Variants in KIAA1549L observed in about 807,000 individuals in gnomAD.
The protein encoded by KIAA1549L is KIAA1549 like, also known as UPF0606 protein KIAA1549L.
Under a neutral mutation model 160.7 loss-of-function variants are expected in KIAA1549L, and 88 were observed. That is an observed-to-expected ratio of 0.55 (90% confidence interval 0.46 to 0.65). The LOEUF (loss-of-function observed/expected upper bound fraction) is 0.65, where lower values mean the gene tolerates loss of function less well. KIAA1549L is among the 30% of genes least tolerant of loss of function. The pLI, the probability that KIAA1549L is intolerant of heterozygous loss-of-function variation, is 0.00. For missense variants in KIAA1549L, 2,258 were observed against 2,437.5 expected (o/e 0.93, Z 1.55); for synonymous variants, 950 against 976.7 (o/e 0.97, Z 0.51).
At chr11:33,552,986 C>A (rs781469406) in intron 6 of KIAA1549L, among the ~76,000 whole-genome samples, 1 of 151,920 alleles carries the variant, frequency 6.6e-6, no homozygotes, top group South Asian at 2.1e-4. Context: ...AGGGAAAATC[C>A]CTGGGAAATG....
chr11:33,520,925 G>A (rs1226441781), intron 1 of KIAA1549L, among the ~76,000 whole-genome samples: 1 of 152,094 alleles, frequency 6.6e-6, no homozygotes, highest in Non-Finnish European at 1.5e-5. Flanking sequence ...CATTTTGGGA[G>A]GCTGAGGCAG....
chr11:33,501,884 A>G (rs1331763575), intron 1 of KIAA1549L, among the ~76,000 whole-genome samples: 1 of 152,120 alleles, frequency 6.6e-6, no homozygotes, highest in Non-Finnish European at 1.5e-5. Flanking sequence ...GGTCGTTGGT[A>G]AGTCAGTGGT....
chr11:33,397,668 C>T lies in KIAA1549L; in HGVS notation c.238+20779C>T, dbSNP rs1426542067. Among the ~76,000 whole-genome samples, 32 of 150,896 alleles carry T rather than the reference C, an allele frequency of 2.1e-4. 1 individual carries two copies. The East Asian group carries it at 4.0e-3, about 19-fold the overall frequency. ...CGGAGGTTGCGGTGAGCCAAGATCG[C>T]GCCACTGCACTCCAGCCTGGGCGAC... is the stretch of plus-strand genomic sequence containing the variant. On this transcript the variant is annotated intron_variant, in intron 1 of 20. Transcript: ENST00000658780.
intron 16 of KIAA1549L, among the ~76,000 whole-genome samples, chr11:33,641,574 A>G (rs897282296): frequency 0.23 from 131 of 580 alleles, 1 homozygote; most frequent in African/African-American, 0.44. Context: ...ATGGATCTGT[A>G]TATATATATA....
intron 1 of KIAA1549L, among the ~76,000 whole-genome samples, chr11:33,489,314 GAGAGAC>G (rs1429514651): frequency 6.6e-6 from 1 of 152,212 alleles, no homozygotes; most frequent in African/African-American, 2.4e-5. Context: ...TGCATGCAGA[GAGAGAC>G]AGAGACAGAG....
intron 1 of KIAA1549L, among the ~76,000 whole-genome samples, chr11:33,482,203 T>G (rs1429668127): frequency 1.3e-4 from 20 of 152,252 alleles, no homozygotes; most frequent in Non-Finnish European, 2.9e-5. Context: ...ATACCCTCAA[T>G]TTTGAGCAAG....
chr11:33,484,857 C>T (rs1338458961), intron 1 of KIAA1549L, among the ~76,000 whole-genome samples: 1 of 152,126 alleles, frequency 6.6e-6, no homozygotes, highest in Non-Finnish European at 1.5e-5. Flanking sequence ...TTTCTTGCAG[C>T]TTTAAAATAA....
rs1447364209 is a variant in KIAA1549L, at chr11:33,435,794, A to ATGTG, written c.238+58906_238+58907insGTGT. Among the ~76,000 whole-genome samples the ATGTG allele has an allele frequency of 1.6e-3, 51 of 32,338 alleles. 1 individual carries two copies. The highest frequency in any genetic ancestry group is 3.7e-3 in the East Asian group (6 of 1,600). 21.2% of individuals were successfully genotyped at this position (32,338 alleles called of 152,430 possible). On this transcript the variant is annotated intron_variant, in intron 1 of 20. Coordinates refer to ENST00000658780, the MANE Select transcript of KIAA1549L (RefSeq NM_012194.3). ...TATATATATATATATATATATATAT[A>ATGTG]TATATATATATATATATGTGTGTGT...
intron 1 of KIAA1549L, among the ~76,000 whole-genome samples, chr11:33,496,394 G>C (rs1015765311): frequency 6.6e-6 from 1 of 152,196 alleles, no homozygotes; most frequent in African/African-American, 2.4e-5. Context: ...CACTGGAGGG[G>C]TCGTCAGCAG....
intron 13 of KIAA1549L, among the ~76,000 whole-genome samples, chr11:33,604,945 T>C (rs924718275): frequency 1.3e-5 from 2 of 152,102 alleles, no homozygotes; most frequent in African/African-American, 4.8e-5. Context: ...CCAAAAGCTA[T>C]TGAAGTTTAA....
At chr11:33,594,654 G>A (rs1277298829) in intron 12 of KIAA1549L, among the ~76,000 whole-genome samples, 5 of 152,204 alleles carry the variant, frequency 3.3e-5, no homozygotes, top group Non-Finnish European at 7.3e-5. Context: ...CTTGGATAAA[G>A]CAAGTCTCAT....
chr11:33,600,724 A>G (rs1363481317), intron 13 of KIAA1549L, among the ~76,000 whole-genome samples: 1 of 152,212 alleles, frequency 6.6e-6, no homozygotes, highest in East Asian at 1.9e-4. Context: ...ATATGGCAAT[A>G]CACATGTATC....
intron 8 of KIAA1549L, among the ~76,000 whole-genome samples, chr11:33,566,300 C>T (rs1169918266): frequency 6.6e-6 from 1 of 152,094 alleles, no homozygotes; most frequent in Non-Finnish European, 1.5e-5. Context: ...GAGAGGACAA[C>T]TTAGAAGTAA....
chr11:33,562,123 C>T (rs560353465), intron 8 of KIAA1549L, among the ~76,000 whole-genome samples: 107 of 152,316 alleles, frequency 7.0e-4, no homozygotes, highest in African/African-American at 2.5e-3. Context: ...CATGCACTTG[C>T]GTCTCTCCTC....
chr11:33,443,659 CAT>C (rs1387183184), intron 1 of KIAA1549L, among the ~76,000 whole-genome samples: 3 of 151,696 alleles, frequency 2.0e-5, no homozygotes, highest in Non-Finnish European at 2.9e-5. Flanking sequence ...TTTTTGGTGC[CAT>C]GAGCCCCTTT....
chr11:33,665,580 G>A (rs1239998733), intron 20 of KIAA1549L: 2 of 130,904 alleles, frequency 1.5e-5, no homozygotes, highest in Admixed American at 1.6e-4. Context: ...AGGGGAGGAA[G>A]TGTGTGCTGA....
intron 10 of KIAA1549L, among the ~76,000 whole-genome samples, chr11:33,580,510 G>A (rs1298817610): frequency 1.4e-5 from 2 of 147,866 alleles, no homozygotes; most frequent in Non-Finnish European, 3.0e-5. Flanking sequence ...GGAAGCAGAG[G>A]TTGCAGTGAG....
At chr11:33,483,902 G>A (rs1442942573) in intron 1 of KIAA1549L, among the ~76,000 whole-genome samples, 2 of 152,068 alleles carry the variant, frequency 1.3e-5, no homozygotes, top group East Asian at 1.9e-4. Flanking sequence ...TATCAGCAAC[G>A]TGAAAATAAA....
intron 6 of KIAA1549L, among the ~76,000 whole-genome samples, chr11:33,553,330 G>T (rs975254707): frequency 2.0e-5 from 3 of 147,048 alleles, no homozygotes; most frequent in Non-Finnish European, 3.0e-5. Flanking sequence ...TTGCAACTAC[G>T]TAGATATCAT....
Sources: gnomAD v4.1 joint callset for allele counts (sites outside exome capture counted in the v4.1 genomes callset) on GRCh38, gnomAD v4.1.1 for gene constraint, MANE v1.5 for transcripts, NCBI Gene and HGNC (gene_info 2026-07-23, HGNC 2026-07-21) for gene names.